The following NCOR1 variants were observed in gnomAD, a reference collection of about 807,000 sequenced individuals.
The protein encoded by NCOR1 is nuclear receptor corepressor 1, also known as protein phosphatase 1, regulatory subunit 109.
NCOR1 carries 63 observed loss-of-function variants against 288.1 expected under a neutral mutation model. The observed-to-expected ratio is 0.22, with a 90% CI of 0.18 to 0.27. NCOR1 has a LOEUF of 0.27. Among genes scored for constraint, NCOR1 ranks in the 10% least tolerant of loss-of-function variants. The pLI is 1.00. For missense variants in NCOR1, 2,397 were observed against 3,019.2 expected, an observed-to-expected ratio of 0.79 and a Z score of 4.83; for synonymous variants, 1,007 against 1,065.9, an observed-to-expected ratio of 0.94 and a Z score of 1.08.
At chr17:16,206,704 T>TA (rs1171523958) in intron 1 of NCOR1, among the ~76,000 whole-genome samples, 2 of 152,128 alleles carry the variant, frequency 1.3e-5, no homozygotes, top group African/African-American at 4.8e-5. Context: ...TATCTTCATG[T>TA]ACTAGAAATG....
At chr17:16,168,304 G>A (rs1443357662) in intron 4 of NCOR1, among the ~76,000 whole-genome samples, 8 of 152,080 alleles carry the variant, frequency 5.3e-5, no homozygotes, top group South Asian at 2.1e-4. Flanking sequence ...AGGTTCAAGC[G>A]ATTCTCTTGC....
At chr17:16,056,865 T>C (rs1256719934) in intron 40 of NCOR1, 1 of 151,854 alleles carries the variant, frequency 6.6e-6, no homozygotes, top group African/African-American at 2.4e-5. Context: ...TGTGTGTGTG[T>C]GCATATATAT....
chr17:16,184,911 C>T (rs985208442), intron 3 of NCOR1, among the ~76,000 whole-genome samples: 8 of 144,348 alleles, frequency 5.5e-5, no homozygotes, highest in African/African-American at 1.5e-4. Flanking sequence ...TTGCCATCCA[C>T]AACATGGATA....
chr17:16,044,575 AACT>A (rs1386429906), intron 42 of NCOR1: 1 of 527,092 alleles, frequency 1.9e-6, no homozygotes, highest in East Asian at 5.3e-5. Flanking sequence ...TTCATCCGGC[AACT>A]ACCACCACGT....
At chr17:16,101,779 T>C (rs1204617556) in intron 19 of NCOR1, 22 bp from the exon 20 acceptor site, 4 of 1,613,674 alleles carry the variant, frequency 2.5e-6, no homozygotes, top group Admixed American at 1.7e-5. Context: ...GAAGGAGCAC[T>C]TTCTGTATCA....
chr17:16,057,324 C>G, intron 40 of NCOR1, 190 bp downstream of exon 40: 1 of 599,824 alleles, frequency 1.7e-6, no homozygotes, highest in Non-Finnish European at 2.9e-6. Flanking sequence ...ATTAAAAAGT[C>G]ATAGTACCAA....
chr17:16,142,626 C>T (rs145247887), intron 11 of NCOR1, among the ~76,000 whole-genome samples: 1 of 151,974 alleles, frequency 6.6e-6, no homozygotes, highest in Non-Finnish European at 1.5e-5. Context: ...ATAGCCTGAC[C>T]CAAAGGTTTA....
At chr17:16,148,896 G>A (rs1354817853) in intron 9 of NCOR1, among the ~76,000 whole-genome samples, 1 of 152,018 alleles carries the variant, frequency 6.6e-6, no homozygotes, top group African/African-American at 2.4e-5. Flanking sequence ...TGTATTAACA[G>A]TGTATCTGTA....
At chr17:16,127,168 CATGTATGTATATATCTGTAT>C (rs2074251374) in intron 14 of NCOR1, among the ~76,000 whole-genome samples, 1 of 126,308 alleles carries the variant, frequency 7.9e-6, no homozygotes, top group Admixed American at 7.7e-5. Context: ...TGTATATATA[CATGTATGTATATATCTGTAT>C]GTATATATAC....
At chr17:16,206,367 T>C (rs2091508439) in intron 1 of NCOR1, among the ~76,000 whole-genome samples, 1 of 151,726 alleles carries the variant, frequency 6.6e-6, no homozygotes, top group Admixed American at 6.6e-5. Context: ...TGACCGTAAG[T>C]TGATTAAGCA....
chr17:16,137,285 T>C lies in NCOR1; in HGVS notation c.1509+26A>G, dbSNP rs781448083. On this transcript the variant is annotated intron_variant, in intron 14 of 45. Coordinates refer to ENST00000268712, the MANE Select transcript of NCOR1 (RefSeq NM_006311.4). ...GCCTATTTCCCCCAATCCTGAAATA[T>C]CTTCCATACAAGTAAGAAAACACAC... 2.9e-5 allele frequency: 42 copies of C among 1,471,340 alleles called. 1 individual carries two copies. In the Middle Eastern group the frequency reaches 6.9e-4, roughly 24 times the overall value. 91.1% of individuals were successfully genotyped at this position (1,471,340 alleles called of 1,614,324 possible). A position where few individuals can be genotyped will look rare whatever the true frequency, so the allele number is the denominator to read the frequency against.
chr17:16,065,166 A>C, intron 33 of NCOR1, 147 bp from the exon 34 acceptor site: 1 of 822,790 alleles, frequency 1.2e-6, no homozygotes, highest in Non-Finnish European at 1.9e-6. Context: ...TTACTTTTTA[A>C]GACATTCTTT....
chr17:16,143,441 C>G (rs1449659711), intron 11 of NCOR1, among the ~76,000 whole-genome samples, 165 bp downstream of exon 11: 2 of 152,210 alleles, frequency 1.3e-5, no homozygotes, highest in African/African-American at 4.8e-5. Context: ...GATCGTGTGA[C>G]TGCCTCGTTT....
intron 5 of NCOR1, among the ~76,000 whole-genome samples, chr17:16,162,338 A>G (rs2081027030): frequency 6.6e-6 from 1 of 152,102 alleles, no homozygotes. Context: ...ACTAACAGGA[A>G]TTTCATAAGT....
intron 23 of NCOR1, among the ~76,000 whole-genome samples, chr17:16,082,280 T>C (rs1487331745): frequency 2.0e-5 from 3 of 151,930 alleles, no homozygotes; most frequent in Non-Finnish European, 2.9e-5. Flanking sequence ...AATTATAAGA[T>C]ACGCAAAGAA....
intron 42 of NCOR1, among the ~76,000 whole-genome samples, chr17:16,044,025 C>G (rs555818609): frequency 6.6e-6 from 1 of 151,876 alleles, no homozygotes; most frequent in Non-Finnish European, 1.5e-5. Context: ...CAAAATTAGC[C>G]GGATATGGTG....
At chr17:16,106,906 T>TTC (rs2068870796) in intron 19 of NCOR1, among the ~76,000 whole-genome samples, 1 of 122,830 alleles carries the variant, frequency 8.1e-6, no homozygotes, top group Non-Finnish European at 1.7e-5. Context: ...TTTTTTTTTT[T>TTC]TTTTTTGAGA....
In NCOR1 at chr17:16,086,550, A is replaced by G. The variant is rs528592385; in HGVS notation, c.3017-108T>C. The G allele has an allele frequency of 2.8e-5, 27 of 967,364 alleles. No individual in the cohort carries two copies. In the African/African-American group the frequency reaches 4.4e-4, roughly 16 times the overall value. The allele number at this position is 967,364 out of a possible 1,614,324, so 59.9% of individuals were successfully genotyped here. ...TTTTAAATCACTAATTAAAAAATGT[A>G]AGATGAAACCAACAATGAACATTTC... On this transcript the variant is annotated intron_variant, in intron 22 of 45. Transcript: ENST00000268712.
intron 15 of NCOR1, among the ~76,000 whole-genome samples, chr17:16,122,912 A>G (rs2073279504): frequency 1.3e-5 from 2 of 152,142 alleles, no homozygotes; most frequent in Non-Finnish European, 2.9e-5. Flanking sequence ...GGAATGAGCC[A>G]CTGTGCTGGG....
Sources: gnomAD v4.1 joint callset for allele counts (sites outside exome capture counted in the v4.1 genomes callset) on GRCh38, gnomAD v4.1.1 for gene constraint, MANE v1.5 for transcripts, NCBI Gene and HGNC (gene_info 2026-07-23, HGNC 2026-07-21) for gene names.